PTPN3: variants seen among roughly 807,000 people sequenced by gnomAD.
PTPN3 encodes tyrosine-protein phosphatase non-receptor type 3.
PTPN3 carries 96 observed loss-of-function variants against 132.7 expected under a neutral mutation model. That is an observed-to-expected ratio of 0.72 (90% confidence interval 0.61 to 0.86). PTPN3 has a LOEUF of 0.86. Ranked by LOEUF, PTPN3 falls within the 40% of genes least tolerant of loss-of-function variation. The probability of loss-of-function intolerance (pLI) is 0.00; values close to 1 mark genes in which losing one functional copy is unlikely to be tolerated. For missense variants in PTPN3, 1,125 were observed against 1,159.6 expected (o/e 0.97, Z 0.43); for synonymous variants, 398 against 429.0 (o/e 0.93, Z 0.89).
chr9:109,382,240 G>C (rs2131586871), intron 24 of PTPN3, 62 bp downstream of exon 24: 2 of 1,561,520 alleles, frequency 1.3e-6, no homozygotes, highest in Non-Finnish European at 1.8e-6. Context: ...CCTGCCAATT[G>C]TCTCCAGGCC....
chr9:109,446,759 A>G (rs17793778), intron 6 of PTPN3, among the ~76,000 whole-genome samples: 5,902 of 152,270 alleles, frequency 0.039, 314 homozygotes, highest in East Asian at 0.28. Flanking sequence ...TGTTCCAAAT[A>G]CATACTAGGG....
Position 109,438,105 on chromosome 9 carries a change from C to A in PTPN3, c.587+9G>T. On this transcript the variant is annotated intron_variant, in intron 8 of 25. Transcript: ENST00000374541. ...AGTCCCCAAAGTAGGCCACCCCAGC[C>A]CCCCTCACCTGTGCTGCTCATGCAG... 6.2e-7 allele frequency: 1 copy of A among 1,610,514 alleles called. No individual in the cohort carries two copies. Among genetic ancestry groups the A allele is most frequent in the East Asian group, 2.2e-5 (1 of 44,802 alleles).
intron 1 of PTPN3, among the ~76,000 whole-genome samples, chr9:109,480,955 A>G (rs931646750): frequency 3.9e-5 from 6 of 152,218 alleles, no homozygotes; most frequent in African/African-American, 1.4e-4. Context: ...TGGTTGATGG[A>G]TAAACCACTA....
At chr9:109,494,991 A>C (rs1847615444) in intron 1 of PTPN3, among the ~76,000 whole-genome samples, 1 of 152,042 alleles carries the variant, frequency 6.6e-6, no homozygotes, top group African/African-American at 2.4e-5. Context: ...ACCCATTACC[A>C]AATCAGTTTT....
At chr9:109,509,724 A>G in the PTPN3 span, among the ~76,000 whole-genome samples, 3 of 152,248 alleles carry the variant, frequency 2.0e-5, no homozygotes, top group Non-Finnish European at 4.4e-5. Flanking sequence ...TCAAATGCCA[A>G]TTCACATGAG....
rs1174574329 is a variant in PTPN3 at position 109,498,132 on chromosome 9, T to G, written c.-18+87A>C. ...GTCCGCCGCGCGCCCCAGGGACGGGTGGGGGCGGGGTGGCGCCGAGCGCGA... is the reference window on the plus strand; with the variant it reads ...GTCCGCCGCGCGCCCCAGGGACGGGGGGGGGCGGGGTGGCGCCGAGCGCGA... On this transcript the variant is annotated intron_variant, in intron 1 of 25. Transcript: ENST00000374541. This position sits in a 1 kb window ranked among gnomAD's most constrained non-coding sequence, Gnocchi z 4.2. 2 of 144,960 alleles carry G rather than the reference T, an allele frequency of 1.4e-5. No homozygotes were observed. The highest frequency in any genetic ancestry group is 1.4e-4 in the Admixed American group (2 of 14,690). 9.0% of individuals were successfully genotyped at this position (144,960 alleles called of 1,614,324 possible).
At chr9:109,522,705 A>G in the PTPN3 span, among the ~76,000 whole-genome samples, 615 of 152,324 alleles carry the variant, frequency 4.0e-3, 8 homozygotes, top group African/African-American at 0.014. Context: ...TGCCACTCAT[A>G]GGAAACCATC....
chr9:109,439,126 T>C (rs1844267664), intron 7 of PTPN3, among the ~76,000 whole-genome samples: 1 of 152,188 alleles, frequency 6.6e-6, no homozygotes. Flanking sequence ...CAAGTGTCCA[T>C]GGCTGCCTCA....
intron 1 of PTPN3, among the ~76,000 whole-genome samples, chr9:109,474,243 C>G (rs1846527088): frequency 6.6e-6 from 1 of 152,138 alleles, no homozygotes; most frequent in African/African-American, 2.4e-5. Flanking sequence ...GGACTTACCC[C>G]AGACAAGCTG....
chr9:109,514,450 G>A, the PTPN3 span, among the ~76,000 whole-genome samples: 2 of 152,154 alleles, frequency 1.3e-5, no homozygotes, highest in South Asian at 2.1e-4. Flanking sequence ...GAAGTGGCGA[G>A]GGGGTTTTCA....
intron 1 of PTPN3, among the ~76,000 whole-genome samples, chr9:109,490,621 C>A (rs1847417137): frequency 6.6e-6 from 1 of 152,046 alleles, no homozygotes; most frequent in African/African-American, 2.4e-5. Flanking sequence ...TGCCTGTAAT[C>A]CCAGCTACTC....
intron 1 of PTPN3, among the ~76,000 whole-genome samples, chr9:109,481,794 T>C (rs773327339): frequency 1.3e-5 from 2 of 152,242 alleles, no homozygotes; most frequent in Non-Finnish European, 2.9e-5. Flanking sequence ...GTGTGTAGCA[T>C]GTCACTAAGT....
the PTPN3 span, among the ~76,000 whole-genome samples, chr9:109,512,883 C>A: frequency 6.6e-6 from 1 of 152,162 alleles, no homozygotes; most frequent in Non-Finnish European, 1.5e-5. Flanking sequence ...CTTTCCTTCC[C>A]CTGGTCCTTT....
At chr9:109,398,026 C>T (rs892653043) in intron 19 of PTPN3, among the ~76,000 whole-genome samples, 5 of 152,210 alleles carry the variant, frequency 3.3e-5, no homozygotes, top group African/African-American at 1.2e-4. Flanking sequence ...GTAATCCCAG[C>T]ACTTTGTGGG....
chr9:109,393,134 TG>T (rs974111812), intron 19 of PTPN3, among the ~76,000 whole-genome samples: 5 of 152,208 alleles, frequency 3.3e-5, no homozygotes, highest in African/African-American at 1.2e-4. Flanking sequence ...CAGCATCTAA[TG>T]GAGTATTCTG....
chr9:109,526,723 C>T, the PTPN3 span, among the ~76,000 whole-genome samples: 1 of 151,914 alleles, frequency 6.6e-6, no homozygotes, highest in African/African-American at 2.4e-5. Context: ...CCTAGAAGAG[C>T]CAAGGCAATA....
chr9:109,462,707 C>T (rs1013616269), intron 2 of PTPN3, among the ~76,000 whole-genome samples: 4 of 151,968 alleles, frequency 2.6e-5, no homozygotes, highest in Admixed American at 6.5e-5. Flanking sequence ...GGCTCTGCCA[C>T]GGGCTTTAAG....
chr9:109,525,954 A>G, the PTPN3 span, among the ~76,000 whole-genome samples: 1 of 152,354 alleles, frequency 6.6e-6, no homozygotes, highest in Admixed American at 6.5e-5. Flanking sequence ...TACAGATTAT[A>G]TGTTTTAATA....
the PTPN3 span, among the ~76,000 whole-genome samples, chr9:109,515,793 G>A: frequency 2.6e-5 from 4 of 152,134 alleles, no homozygotes; most frequent in African/African-American, 9.7e-5. Flanking sequence ...TGAACCAATA[G>A]AGTGAAAACC....
Sources: allele counts gnomAD v4.1 joint callset (sites outside exome capture counted in the v4.1 genomes callset), GRCh38; gene constraint gnomAD v4.1.1; non-coding constraint Gnocchi (gnomAD v3.1); transcripts MANE v1.5; gene names NCBI Gene and HGNC (gene_info 2026-07-23, HGNC 2026-07-21).